TNNT2: variants seen among roughly 807,000 people sequenced by gnomAD.
TNNT2 encodes troponin T, cardiac muscle.
Under a neutral mutation model 62.4 loss-of-function variants are expected in TNNT2, and 34 were observed. The observed-to-expected ratio is 0.54, with a 90% confidence interval of 0.41 to 0.72. The LOEUF (loss-of-function observed/expected upper bound fraction) is 0.72. Among genes scored for constraint, TNNT2 ranks in the 30% least tolerant of loss-of-function variants. The probability of loss-of-function intolerance (pLI) is 0.00; values close to 1 mark genes in which losing one functional copy is unlikely to be tolerated. For missense variants in TNNT2, 275 were observed against 381.9 expected (o/e 0.72, Z 2.33); for synonymous variants, 123 against 127.2 (o/e 0.97, Z 0.22).
intron 7 of TNNT2, 81 bp from the exon 8 acceptor site, chr1:201,366,952 C>T (rs1286185875): frequency 6.2e-7 from 1 of 1,610,952 alleles, no homozygotes; most frequent in African/African-American, 1.3e-5. Context: ...AGCTAGATCC[C>T]TGTGGATTTC....
At chr1:201,362,093 C>T in intron 13 of TNNT2, 71 bp from the exon 14 acceptor site, 1 of 1,537,440 alleles carries the variant, frequency 6.5e-7, no homozygotes, top group Non-Finnish European at 9.0e-7. Flanking sequence ...TCCCCAAACC[C>T]CCTGGGGGTG....
chr1:201,376,953 A>G (rs1203850888), intron 1 of TNNT2, among the ~76,000 whole-genome samples: 1 of 152,196 alleles, frequency 6.6e-6, no homozygotes, highest in Non-Finnish European at 1.5e-5. Flanking sequence ...AGCTCAGCTC[A>G]GGGTCTGGGA....
chr1:201,362,845 T>C (rs1658937656), intron 12 of TNNT2, among the ~76,000 whole-genome samples: 1 of 152,158 alleles, frequency 6.6e-6, no homozygotes, highest in African/African-American at 2.4e-5. Context: ...ACACTTTCCA[T>C]GGTAGCTCAT....
intron 10 of TNNT2, 77 bp downstream of exon 10, chr1:201,365,114 G>A (rs1659409669): frequency 8.0e-7 from 1 of 1,246,262 alleles, no homozygotes; most frequent in Non-Finnish European, 1.2e-6. Context: ...CTGTCTGGAG[G>A]AGGTGGGGCC....
In TNNT2 at chr1:201,361,560, C is replaced by T. The variant is rs78257611; in HGVS notation, c.720-191G>A. On this transcript the variant is annotated intron_variant, in intron 14 of 16. Coordinates refer to ENST00000656932, the MANE Select transcript of TNNT2 (RefSeq NM_001276345.2). ...GACGGCAGCACCCAGTGCTCAGGAA[C>T]GGACACCAGGGACTGCCAGGGCAAA... Among the ~76,000 whole-genome samples the T allele has an allele frequency of 3.2e-4, 48 of 152,328 alleles. No homozygotes were observed. In the East Asian group the frequency reaches 8.9e-3, roughly 28 times the overall value.
intron 4 of TNNT2, among the ~76,000 whole-genome samples, 168 bp from the exon 5 acceptor site, chr1:201,370,013 G>A (rs1184049396): frequency 6.6e-6 from 1 of 152,168 alleles, no homozygotes; most frequent in Admixed American, 6.5e-5. Flanking sequence ...AGCAACAGGG[G>A]CAACTCTCAG....
chr1:201,363,450 T>C (rs373137227), intron 11 of TNNT2, 44 bp from the exon 12 acceptor site: 20 of 1,574,798 alleles, frequency 1.3e-5, no homozygotes, highest in African/African-American at 1.1e-4. Context: ...GGGGAAAGGA[T>C]TGGAAACCCT....
At chr1:201,369,764 C>T in intron 5 of TNNT2, 52 bp downstream of exon 5, 3 of 1,612,810 alleles carry the variant, frequency 1.9e-6, no homozygotes, top group Non-Finnish European at 2.5e-6. Context: ...AAGGAGGCTG[C>T]ACTTGGGACA....
At chr1:201,369,092 T>C (rs896110819) in intron 5 of TNNT2, among the ~76,000 whole-genome samples, 4 of 152,140 alleles carry the variant, frequency 2.6e-5, no homozygotes, top group African/African-American at 9.7e-5. Flanking sequence ...CTTTAGGCCA[T>C]CTTGTTCACA....
rs181087528 is a variant in TNNT2 at position 201,367,982 on chromosome 1, C to T, written c.164-176G>A. On this transcript the variant is annotated intron_variant, in intron 6 of 16. Coordinates refer to ENST00000656932, the MANE Select transcript of TNNT2 (RefSeq NM_001276345.2). ...TTCCCCTGGACCCAAGACTGCCTGA[C>T]ACAAGAGAAGCGCTGGGTCAACGTT... 1.8e-4 allele frequency among the ~76,000 whole-genome samples: 27 copies of T among 152,240 alleles called. 2 individuals are homozygous for T. In the South Asian group the frequency reaches 5.4e-3, roughly 30 times the overall value.
rs367785431 is a variant in TNNT2, at chr1:201,359,221, G to A, written c.886C>T (p.Arg296Cys). Reference protein sequence around the residue: ...KTRGKAKVTGRWK With the variant: ...KTRGKAKVTGCWK The stretch of plus-strand genomic sequence containing the variant: ...AAGGAGGCCAGGCTCTATTTCCAGC[G>A]CCCGGTGACTTTAGCCTTCCCGCGG... Residue 296 changes from arginine to cysteine, a missense_variant, in exon 17 of 17, where the codon CGC becomes TGC. Physicochemically the swap from Arg to Cys is radical, Grantham distance 180. Transcript: ENST00000656932. 1.5e-5 allele frequency: 24 copies of A among 1,610,372 alleles called. 1 individual carries two copies. In the Middle Eastern group the frequency reaches 5.0e-4, roughly 34 times the overall value.
intron 1 of TNNT2, among the ~76,000 whole-genome samples, chr1:201,377,183 T>A (rs2102338978): frequency 6.6e-6 from 1 of 152,304 alleles, no homozygotes; most frequent in Admixed American, 6.5e-5. Context: ...AAGAAGGACC[T>A]GACTGGAAAG....
At chr1:201,365,113 G>A in intron 10 of TNNT2, 78 bp downstream of exon 10, 1 of 1,243,292 alleles carries the variant, frequency 8.0e-7, no homozygotes, top group Non-Finnish European at 1.2e-6. Flanking sequence ...GCTGTCTGGA[G>A]GAGGTGGGGC....
intron 5 of TNNT2, 123 bp downstream of exon 5, chr1:201,369,693 G>T: frequency 8.4e-7 from 1 of 1,187,342 alleles, no homozygotes; most frequent in South Asian, 1.2e-5. Context: ...GGAAACGACT[G>T]ACCCACTCCG....
At chr1:201,376,933 C>T (rs1661484284) in intron 1 of TNNT2, among the ~76,000 whole-genome samples, 1 of 152,214 alleles carries the variant, frequency 6.6e-6, no homozygotes, top group South Asian at 2.1e-4. Flanking sequence ...CCCATCTGCC[C>T]CCCAAGTGCA....
chr1:201,372,914 G>A (rs1169894049), intron 2 of TNNT2, among the ~76,000 whole-genome samples: 1 of 152,140 alleles, frequency 6.6e-6, no homozygotes, highest in African/African-American at 2.4e-5. Flanking sequence ...TCAGTTTCAG[G>A]AGACCCAACA....
intron 2 of TNNT2, among the ~76,000 whole-genome samples, chr1:201,372,617 G>C (rs894827746): frequency 1.8e-4 from 27 of 152,174 alleles, no homozygotes; most frequent in Non-Finnish European, 2.9e-4. Flanking sequence ...GCCCCCAGTT[G>C]CTAATTTCTT....
chr1:201,369,802 A>T lies in TNNT2; in HGVS notation c.97+14T>A. On this transcript the variant is annotated intron_variant, in intron 5 of 16. Coordinates refer to ENST00000656932, the MANE Select transcript of TNNT2 (RefSeq NM_001276345.2). ...AGGCAGCAGAAAGCACCACAGAAGG[A>T]AAGGCTGTACTACCGTCTTCGTCCT... 6.2e-7 allele frequency: 1 copy of T among 1,614,152 alleles called. No individual in the cohort carries two copies. The highest frequency in any genetic ancestry group is 8.5e-7 in the Non-Finnish European group (1 of 1,179,996).
chr1:201,373,128 G>C, intron 2 of TNNT2, 86 bp downstream of exon 2: 1 of 1,354,918 alleles, frequency 7.4e-7, no homozygotes. Flanking sequence ...CCCAGAATCC[G>C]AGGGACAGCT....
Sources: allele counts gnomAD v4.1 joint callset (sites outside exome capture counted in the v4.1 genomes callset), GRCh38; gene constraint gnomAD v4.1.1; transcripts MANE v1.5; gene names NCBI Gene and HGNC (gene_info 2026-07-23, HGNC 2026-07-21).